MYCBP2: variants seen among roughly 807,000 people sequenced by gnomAD.
MYCBP2 encodes the protein MYC binding protein 2.
A neutral mutation model predicts 525.3 loss-of-function variants in MYCBP2; 120 were observed. The ratio of observed to expected loss-of-function variants is 0.23; its 90% confidence interval spans 0.20 to 0.27. The LOEUF is 0.27. Ranked by LOEUF, MYCBP2 falls within the 10% of genes least tolerant of loss-of-function variation. The probability of loss-of-function intolerance (pLI) is 1.00; values close to 1 mark genes in which losing one functional copy is unlikely to be tolerated. For missense variants in MYCBP2, 4,149 were observed against 5,657.1 expected (o/e 0.73, Z 8.55); for synonymous variants, 1,894 against 1,955.8 (o/e 0.97, Z 0.83).
chr13:77,051,808 T>C lies in MYCBP2; in HGVS notation c.13755+3A>G. ...GTTGTTTCTAATAAAATGTTCTGCCTACCTGAGCCCTGGAAACATCAGAAC... is the reference window on the plus strand; with the variant it reads ...GTTGTTTCTAATAAAATGTTCTGCCCACCTGAGCCCTGGAAACATCAGAAC... On this transcript the variant is annotated splice_donor_region_variant and intron_variant, in intron 81 of 82. Transcript: ENST00000544440. 1 of 1,610,318 alleles carries C rather than the reference T, an allele frequency of 6.2e-7. No individual in the cohort carries two copies. Among genetic ancestry groups the C allele is most frequent in the Non-Finnish European group, 8.5e-7 (1 of 1,176,748 alleles).
At chr13:77,299,640 G>A (rs747116722) in intron 1 of MYCBP2, among the ~76,000 whole-genome samples, 1 of 152,082 alleles carries the variant, frequency 6.6e-6, no homozygotes, top group African/African-American at 2.4e-5. Context: ...ATCTGAGGAT[G>A]GGAATATAAA....
intron 19 of MYCBP2, among the ~76,000 whole-genome samples, 180 bp from the exon 20 acceptor site, chr13:77,224,712 G>A (rs558180034): frequency 1.6e-4 from 25 of 152,096 alleles, no homozygotes; most frequent in Non-Finnish European, 3.7e-4. Flanking sequence ...AAATATTTTT[G>A]TAGGTCATAT....
At chr13:77,319,159 C>T (rs1475682284) in intron 1 of MYCBP2, among the ~76,000 whole-genome samples, 1 of 151,990 alleles carries the variant, frequency 6.6e-6, no homozygotes, top group East Asian at 1.9e-4. Context: ...CTTCGCAGAT[C>T]CAGCACCCCG....
intron 58 of MYCBP2, among the ~76,000 whole-genome samples, chr13:77,095,001 A>G (rs1279270875): frequency 1.3e-5 from 2 of 152,296 alleles, no homozygotes; most frequent in South Asian, 2.1e-4. Context: ...CAGAATGAAT[A>G]ATTTACGAAA....
chr13:77,232,060 A>G (rs2067204648), intron 18 of MYCBP2, among the ~76,000 whole-genome samples: 1 of 152,140 alleles, frequency 6.6e-6, no homozygotes, highest in African/African-American at 2.4e-5. Flanking sequence ...GTTGTGCTCT[A>G]TTTACACCTT....
intron 1 of MYCBP2, among the ~76,000 whole-genome samples, chr13:77,303,250 T>C (rs985170072): frequency 1.3e-5 from 2 of 152,338 alleles, no homozygotes; most frequent in Non-Finnish European, 1.5e-5. Context: ...GGAGAATCGC[T>C]TGAACCCGAG....
chr13:77,047,166 T>G (rs1052459887), intron 82 of MYCBP2, among the ~76,000 whole-genome samples: 5 of 152,156 alleles, frequency 3.3e-5, no homozygotes, highest in Non-Finnish European at 5.9e-5. Context: ...ATAAAAATAG[T>G]GAAAACACAC....
rs1394446850 is a variant in MYCBP2, at chr13:77,097,419, C to T, written c.9735G>A (p.Gly3245=). ...PEKDTICELC[G]ESHPYPVTYH... ...AGGTCACCGGGTATGGATGTGACTC[C>T]CCACACAGTTCACAGATGGTATCTT... is the stretch of plus-strand genomic sequence containing the variant. Residue 3245 remains glycine, a synonymous_variant, in exon 56 of 83, where the codon GGG becomes GGA. Coordinates refer to ENST00000544440, the MANE Select transcript of MYCBP2 (RefSeq NM_015057.5). 3 of 1,613,304 alleles carry T rather than the reference C, an allele frequency of 1.9e-6. No homozygotes were observed. The highest frequency in any genetic ancestry group is 2.5e-6 in the Non-Finnish European group (3 of 1,179,646).
chr13:77,131,389 C>T (rs978776884), intron 52 of MYCBP2, among the ~76,000 whole-genome samples: 2 of 151,854 alleles, frequency 1.3e-5, no homozygotes, highest in African/African-American at 2.4e-5. Flanking sequence ...CATGGTAGTA[C>T]ATGCCTGTAG....
intron 18 of MYCBP2, among the ~76,000 whole-genome samples, chr13:77,228,249 T>C (rs1185776819): frequency 1.3e-5 from 2 of 152,114 alleles, no homozygotes; most frequent in Non-Finnish European, 2.9e-5. Flanking sequence ...TTCACACCTG[T>C]AATCTCAGGG....
chr13:77,164,545 T>A lies in MYCBP2; in HGVS notation c.6460-4A>T, dbSNP rs534265108. ...CTTTTTCCAATTGGATGACTCCCTA[T>A]GGAATTGCATAAAATTTGCTGCTTT... On this transcript the variant is annotated splice_region_variant and splice_polypyrimidine_tract_variant and intron_variant, in intron 42 of 82. Transcript: ENST00000544440. The A allele has an allele frequency of 2.8e-4, 440 of 1,580,844 alleles. 5 individuals are homozygous for A. In the South Asian group the frequency reaches 4.5e-3, roughly 16 times the overall value.
intron 52 of MYCBP2, among the ~76,000 whole-genome samples, chr13:77,133,087 C>T (rs2053177478): frequency 6.6e-6 from 1 of 152,064 alleles, no homozygotes; most frequent in Admixed American, 6.6e-5. Context: ...GCTATAGTTG[C>T]TTCATCCTTT....
Position 77,098,732 on chromosome 13 carries a change from A to G in MYCBP2, c.8422T>C (p.Ser2808Pro), listed in dbSNP as rs1263088548. ...CCTGGTCCTGGGGATTCAGCTCTGG[A>G]GCTAGAAGGCATCCTCCCATCAGAT... Reference protein sequence around the residue: ...LKSDGRMPSSSRAESPGPGSR... With the variant: ...LKSDGRMPSSPRAESPGPGSR... Residue 2808 changes from serine to proline, a missense_variant, in exon 56 of 83, where the codon TCC (serine) becomes CCC (proline). Physicochemically the swap from Ser to Pro is moderately conservative, Grantham distance 74 (BLOSUM62 -1). This residue lies in a region of MYCBP2 where 653 missense variants were observed against 744.7 expected (regional missense o/e 0.88). Transcript: ENST00000544440. 1.2e-6 allele frequency: 2 copies of G among 1,613,328 alleles called. No individual in the cohort carries two copies. Among genetic ancestry groups the G allele is most frequent in the Middle Eastern group, 1.7e-4 (1 of 6,054 alleles).
chr13:77,321,985 AC>A (rs2081705452), intron 1 of MYCBP2, among the ~76,000 whole-genome samples: 1 of 152,068 alleles, frequency 6.6e-6, no homozygotes, highest in Non-Finnish European at 1.5e-5. Context: ...ACATGGTGAG[AC>A]CCTGTGTCTA....
chr13:77,146,373 A>G (rs2055555383), intron 47 of MYCBP2, among the ~76,000 whole-genome samples, 156 bp from the exon 48 acceptor site: 2 of 151,902 alleles, frequency 1.3e-5, no homozygotes, highest in Admixed American at 6.6e-5. Context: ...CATTTATTAA[A>G]GATAAATTCT....
chr13:77,269,251 C>T (rs1414421092), intron 7 of MYCBP2, among the ~76,000 whole-genome samples: 1 of 152,162 alleles, frequency 6.6e-6, no homozygotes, highest in Admixed American at 6.5e-5. Context: ...AACACTGTTT[C>T]CTAGAAAGTA....
rs1555332030 is a variant in MYCBP2, at chr13:77,098,924, G to T, written c.8230C>A (p.Pro2744Thr). The T allele has an allele frequency of 6.2e-7, 1 of 1,613,588 alleles. No homozygotes were observed. The highest frequency in any genetic ancestry group is 2.2e-5 in the East Asian group (1 of 44,866). Residue 2744 changes from proline to threonine, a missense_variant, in exon 56 of 83, where the codon CCT (proline) becomes ACT (threonine). Coordinates refer to ENST00000544440, the MANE Select transcript of MYCBP2 (RefSeq NM_015057.5). ...GTAGTCCGGCTCATACGTCCATCAG[G>T]TTTAAGCGATCTGCTGTGTTTAGAG... is the stretch of plus-strand genomic sequence containing the variant. ...LSSKHSRSLK[P>T]DGRMSRTTAD...
intron 52 of MYCBP2, among the ~76,000 whole-genome samples, chr13:77,135,637 T>A (rs1162083079): frequency 6.6e-6 from 1 of 152,160 alleles, no homozygotes; most frequent in Non-Finnish European, 1.5e-5. Context: ...CTATGCCAAT[T>A]AATTTTGCCA....
chr13:77,098,623 G>A lies in MYCBP2; in HGVS notation c.8531C>T (p.Ser2844Leu), dbSNP rs1249224581. The change falls in exon 56 of 83, where the codon TCA becomes TTA. Residue 2844 changes from serine to leucine, a missense_variant. Coordinates refer to ENST00000544440, the MANE Select transcript of MYCBP2 (RefSeq NM_015057.5). ...PSGASSPRSS[S>L]PHDKNLPQKS... ...TTGAGGTAGATTTTTATCATGTGGT[G>A]AGGAGGAGCGTGGAGAACTAGCACC... 2 of 1,613,676 alleles carry A rather than the reference G, an allele frequency of 1.2e-6. No individual in the cohort carries two copies. The highest frequency in any genetic ancestry group is 3.3e-5 in the Admixed American group (2 of 59,944).
Sources: gnomAD v4.1 joint callset for allele counts (sites outside exome capture counted in the v4.1 genomes callset) on GRCh38, gnomAD v4.1.1 for gene constraint, gnomAD v4.1.1 regional missense constraint, MANE v1.5 for transcripts, NCBI Gene and HGNC (gene_info 2026-07-23, HGNC 2026-07-21) for gene names.